STMN1: variants seen among roughly 807,000 people sequenced by gnomAD.
STMN1 encodes the protein stathmin.
Under a neutral mutation model 19.7 loss-of-function variants are expected in STMN1, and 3 were observed. The ratio of observed to expected loss-of-function variants is 0.15; its 90% CI spans 0.07 to 0.39. The LOEUF is 0.39. Ranked by LOEUF, STMN1 falls within the 10% of genes least tolerant of loss-of-function variation. STMN1 has a pLI of 1.00. For missense variants in STMN1, 99 were observed against 176.0 expected (o/e 0.56, Z 2.48); for synonymous variants, 59 against 58.9 (o/e 1.00, Z -0.01).
downstream of STMN1, chr1:25,885,354 T>C (rs971811976): frequency 1.8e-5 from 3 of 165,028 alleles, no homozygotes; most frequent in African/African-American, 7.2e-5. Context: ...GTAGGGTCCT[T>C]CTCAGAAGCC....
At chr1:25,904,799 C>CA (rs1189065961) in intron 1 of STMN1, 61 bp from the exon 2 acceptor site, 7 of 1,352,108 alleles carry the variant, frequency 5.2e-6, no homozygotes, top group African/African-American at 1.5e-5. Flanking sequence ...GTCATCAACC[C>CA]AAAAAAATCT....
At chr1:25,892,057 T>C (rs964358504) in intron 4 of STMN1, among the ~76,000 whole-genome samples, 3 of 152,226 alleles carry the variant, frequency 2.0e-5, no homozygotes, top group African/African-American at 7.2e-5. Flanking sequence ...CCCATTCTTA[T>C]GCTCACTAAA....
rs1365255996 is a variant in STMN1 at position 25,900,223 on chromosome 1, A to G, written c.*793T>C. On this transcript the variant is annotated 3_prime_UTR_variant, in exon 5 of 5. Transcript: ENST00000455785. ...CCCACCTGTAACGTAGAGCAAGCAA[A>G]CCACCAAGTAGAATCTTGAGATTCT... is the stretch of plus-strand genomic sequence containing the variant. 1 of 985,770 alleles carries G rather than the reference A, an allele frequency of 1.0e-6. No individual in the cohort carries two copies. The allele number at this position is 985,770 out of a possible 1,614,324, so 61.1% of individuals were successfully genotyped here.
intron 4 of STMN1, among the ~76,000 whole-genome samples, chr1:25,894,111 A>T (rs879767603): frequency 6.6e-6 from 1 of 152,186 alleles, no homozygotes; most frequent in African/African-American, 2.4e-5. Context: ...AATGGGTAAC[A>T]TGGTAAATTA....
chr1:25,897,227 C>T (rs539293816), downstream of STMN1, among the ~76,000 whole-genome samples: 5 of 150,604 alleles, frequency 3.3e-5, no homozygotes, highest in East Asian at 3.9e-4. Flanking sequence ...GCAGGAGAAT[C>T]GCTTGAACTG....
At chr1:25,901,796 G>A in intron 3 of STMN1, 114 bp from the exon 4 acceptor site, 1 of 1,022,862 alleles carries the variant, frequency 9.8e-7, no homozygotes, top group Non-Finnish European at 1.4e-6. Context: ...GATCATTTGA[G>A]GTCAGGAGTT....
intron 4 of STMN1, among the ~76,000 whole-genome samples, chr1:25,891,954 A>T (rs1293965988): frequency 2.0e-5 from 3 of 152,206 alleles, no homozygotes; most frequent in Non-Finnish European, 2.9e-5. Context: ...GGGTCTCTGC[A>T]GTTTACAGAT....
At chr1:25,905,802 G>C (rs1050908205) in intron 1 of STMN1, 2 of 152,398 alleles carry the variant, frequency 1.3e-5, no homozygotes, top group Non-Finnish European at 1.5e-5. Flanking sequence ...AGGCCCCCGG[G>C]TGGTCCCGCG....
chr1:25,897,091 G>C (rs1180223494), downstream of STMN1, among the ~76,000 whole-genome samples: 1 of 152,098 alleles, frequency 6.6e-6, no homozygotes, highest in African/African-American at 2.4e-5. Context: ...GAGGCAGGCA[G>C]ATCATGAGGT....
chr1:25,892,533 C>T (rs1335411958), intron 4 of STMN1: 1 of 985,212 alleles, frequency 1.0e-6, no homozygotes, highest in Non-Finnish European at 1.2e-6. Context: ...CTTCTTTAAA[C>T]AGGGAGGGTA....
chr1:25,894,661 CAA>C (rs564974305), intron 4 of STMN1, among the ~76,000 whole-genome samples: 6 of 152,264 alleles, frequency 3.9e-5, no homozygotes, highest in Admixed American at 1.3e-4. Flanking sequence ...GCCTGGGTGA[CAA>C]AGAGAGAGAC....
intron 4 of STMN1, among the ~76,000 whole-genome samples, chr1:25,886,078 A>AT (rs2048718715): frequency 6.6e-6 from 1 of 152,138 alleles, no homozygotes; most frequent in Non-Finnish European, 1.5e-5. Context: ...AGGCATCTGG[A>AT]TTTTTAACGA....
At chr1:25,903,882 T>A in intron 2 of STMN1, 69 bp from the exon 3 acceptor site, 1 of 1,475,522 alleles carries the variant, frequency 6.8e-7, no homozygotes, top group Non-Finnish European at 9.0e-7. Context: ...TACTATAATT[T>A]TCTAAAACCC....
downstream of STMN1, among the ~76,000 whole-genome samples, chr1:25,898,087 GTT>G (rs2048835337): frequency 6.6e-6 from 1 of 152,094 alleles, no homozygotes; most frequent in African/African-American, 2.4e-5. Context: ...CCTTAAAATG[GTT>G]TTGTTACTGA....
chr1:25,898,865 G>A (rs1335695076), downstream of STMN1, among the ~76,000 whole-genome samples: 2 of 152,216 alleles, frequency 1.3e-5, no homozygotes, highest in African/African-American at 4.8e-5. Flanking sequence ...CCAGAAGCTC[G>A]TAGGTGCCAC....
downstream of STMN1, among the ~76,000 whole-genome samples, chr1:25,899,264 C>T (rs1360378483): frequency 2.0e-5 from 3 of 151,730 alleles, no homozygotes; most frequent in Admixed American, 1.3e-4. Flanking sequence ...TAGGACACCT[C>T]GTATCATTAT....
intron 4 of STMN1, chr1:25,892,676 C>T (rs1048838483): frequency 1.1e-6 from 1 of 870,776 alleles, no homozygotes; most frequent in African/African-American, 1.8e-5. Context: ...AAACCAAACG[C>T]CCCCGGGCCT....
chr1:25,891,663 A>G (rs1162461861), intron 4 of STMN1, among the ~76,000 whole-genome samples: 3 of 152,228 alleles, frequency 2.0e-5, no homozygotes. Flanking sequence ...CCAAAGACCC[A>G]GAGAGTTGGC....
In STMN1 at chr1:25,900,704, A is replaced by AT; in HGVS notation, c.*311dup. ...AAGCCACTACATACTCTTTTCACAAATATGTTTTCACAGAGCCAATACAGT... is the reference window on the plus strand; with the variant it reads ...AAGCCACTACATACTCTTTTCACAAATTATGTTTTCACAGAGCCAATACAGT... On this transcript the variant is annotated 3_prime_UTR_variant, in exon 5 of 5. Coordinates refer to ENST00000455785, the MANE Select transcript of STMN1 (RefSeq NM_005563.4). 1.8e-6 allele frequency: 2 copies of AT among 1,095,330 alleles called. No homozygotes were observed. The highest frequency in any genetic ancestry group is 2.2e-6 in the Non-Finnish European group (2 of 900,724). 67.9% of individuals were successfully genotyped at this position (1,095,330 alleles called of 1,614,324 possible).
Sources: gnomAD v4.1 joint callset for allele counts (sites outside exome capture counted in the v4.1 genomes callset) on GRCh38, gnomAD v4.1.1 for gene constraint, MANE v1.5 for transcripts, NCBI Gene and HGNC (gene_info 2026-07-23, HGNC 2026-07-21) for gene names.